Variants in GRID1 observed in about 807,000 individuals in gnomAD.
GRID1 encodes glutamate receptor ionotropic, delta-1.
A neutral mutation model predicts 98.0 loss-of-function variants in GRID1; 28 were observed. The ratio of observed to expected loss-of-function variants is 0.29; its 90% CI spans 0.21 to 0.39. The LOEUF (loss-of-function observed/expected upper bound fraction) is 0.39, where lower values mean the gene tolerates loss of function less well. Ranked by LOEUF, GRID1 falls within the 10% of genes least tolerant of loss-of-function variation. The probability of loss-of-function intolerance (pLI) is 1.00; values close to 1 mark genes in which losing one functional copy is unlikely to be tolerated. For synonymous variants in GRID1, 553 were observed against 538.5 expected, an observed-to-expected ratio of 1.03 and a Z score of -0.37; for missense variants, 1,111 against 1,340.5, an observed-to-expected ratio of 0.83 and a Z score of 2.67.
intron 8 of GRID1, among the ~76,000 whole-genome samples, chr10:85,784,849 T>C (rs527913253): frequency 6.6e-6 from 1 of 152,346 alleles, no homozygotes; most frequent in Admixed American, 6.5e-5. Flanking sequence ...TATGGAATAG[T>C]GTTTTCACTG....
At chr10:86,143,805 G>A (rs934309603) in intron 3 of GRID1, among the ~76,000 whole-genome samples, 1 of 152,244 alleles carries the variant, frequency 6.6e-6, no homozygotes. Context: ...GCTCCCTAGA[G>A]AGGAGTCCTG....
At chr10:85,713,650 T>C (rs563913335) in intron 12 of GRID1, among the ~76,000 whole-genome samples, 7 of 138,614 alleles carry the variant, frequency 5.0e-5, no homozygotes, top group Admixed American at 4.9e-4. Context: ...AAAAAACATA[T>C]CCCATGATCA....
chr10:86,056,234 G>A (rs1023159044), intron 4 of GRID1, among the ~76,000 whole-genome samples: 11 of 152,196 alleles, frequency 7.2e-5, no homozygotes, highest in African/African-American at 2.7e-4. Flanking sequence ...AACAGACTTG[G>A]AGGGCATTAA....
intron 2 of GRID1, among the ~76,000 whole-genome samples, chr10:86,226,800 G>A (rs542380199): frequency 8.0e-5 from 12 of 150,780 alleles, no homozygotes; most frequent in African/African-American, 2.2e-4. Flanking sequence ...CCCCTCACCC[G>A]CAGCCCCCTA....
At position 85,916,140 on chromosome 10, in the gene GRID1, A is replaced by G. The variant is rs761303817; in HGVS notation, c.780+46T>C. 2.2e-6 allele frequency: 3 copies of G among 1,377,044 alleles called. No homozygotes were observed. The highest frequency in any genetic ancestry group is 3.1e-6 in the Non-Finnish European group (3 of 964,352). The allele number at this position is 1,377,044 out of a possible 1,614,324, so 85.3% of individuals were successfully genotyped here. A position where few individuals can be genotyped will look rare whatever the true frequency, so the allele number is the denominator to read the frequency against. The stretch of plus-strand genomic sequence containing the variant: ...ATCACACTGAGCTTTACAAGGGGCT[A>G]GGGGCTCAGTCCAGGCCGTGCTCAT... On this transcript the variant is annotated intron_variant, in intron 5 of 15. Transcript: ENST00000327946. This position sits in a 1 kb window ranked among gnomAD's most constrained non-coding sequence, Gnocchi z 4.0.
chr10:86,113,913 C>T (rs1232695369), intron 4 of GRID1, among the ~76,000 whole-genome samples: 1 of 152,252 alleles, frequency 6.6e-6, no homozygotes, highest in Non-Finnish European at 1.5e-5. Flanking sequence ...AATTTTCTCA[C>T]TTCAAGCTAC....
At chr10:85,689,652 G>T (rs1452308866) in intron 12 of GRID1, among the ~76,000 whole-genome samples, 1 of 151,836 alleles carries the variant, frequency 6.6e-6, no homozygotes, top group Non-Finnish European at 1.5e-5. Flanking sequence ...CACATTCCAA[G>T]GAAAACCAAT....
intron 2 of GRID1, among the ~76,000 whole-genome samples, chr10:86,322,272 C>T (rs570951450): frequency 9.2e-5 from 14 of 152,232 alleles, no homozygotes; most frequent in Admixed American, 7.8e-4. Context: ...TAAGCTCCAA[C>T]CACCACCTAA....
intron 2 of GRID1, among the ~76,000 whole-genome samples, chr10:86,285,741 T>G (rs914899214): frequency 1.3e-5 from 2 of 152,170 alleles, no homozygotes; most frequent in African/African-American, 4.8e-5. Flanking sequence ...GGAATAGGAA[T>G]AGGAGTAGAA....
At chr10:85,902,608 G>C (rs1841404005) in intron 5 of GRID1, among the ~76,000 whole-genome samples, 1 of 152,192 alleles carries the variant, frequency 6.6e-6, no homozygotes, top group South Asian at 2.1e-4. Context: ...CCAGTGCTGG[G>C]AGTGAGAGGG....
chr10:85,993,151 G>A (rs1842702055), intron 4 of GRID1, among the ~76,000 whole-genome samples: 1 of 152,184 alleles, frequency 6.6e-6, no homozygotes, highest in African/African-American at 2.4e-5. Flanking sequence ...GTTAAGGTAA[G>A]TAAGGTAAGA....
At chr10:85,634,249 C>CCTCTCTCTCTCTCTCTCTCTCTCTCTCT (rs775506130) in intron 13 of GRID1, among the ~76,000 whole-genome samples, 34 of 92,366 alleles carry the variant, frequency 3.7e-4, no homozygotes, top group Non-Finnish European at 5.6e-4. Context: ...TGATGGGGCA[C>CCTCTCTCTCTCTCTCTCTCTCTCTCTCT]CTCTCTCTCT....
At chr10:86,112,242 C>A (rs530416194) in intron 4 of GRID1, among the ~76,000 whole-genome samples, 3 of 152,176 alleles carry the variant, frequency 2.0e-5, no homozygotes, top group African/African-American at 7.2e-5. Flanking sequence ...AGATTCCTCA[C>A]GCCACATCTG....
chr10:85,957,850 G>A (rs1842215013), intron 4 of GRID1, among the ~76,000 whole-genome samples: 1 of 152,220 alleles, frequency 6.6e-6, no homozygotes, highest in Non-Finnish European at 1.5e-5. Flanking sequence ...TGCCTGGTCT[G>A]GCTCCTCAGG....
chr10:85,741,923 T>A (rs1404720193), intron 8 of GRID1, among the ~76,000 whole-genome samples: 2 of 152,156 alleles, frequency 1.3e-5, no homozygotes, highest in East Asian at 3.9e-4. Flanking sequence ...ATAAATCTTA[T>A]CTCTGACATT....
At chr10:86,178,937 G>C (rs1315108873) in intron 3 of GRID1, among the ~76,000 whole-genome samples, 1 of 152,152 alleles carries the variant, frequency 6.6e-6, no homozygotes, top group Non-Finnish European at 1.5e-5. Flanking sequence ...AGGCTGGAGG[G>C]TCTGGTTTAC....
chr10:86,051,177 C>G (rs1476365133), intron 4 of GRID1, among the ~76,000 whole-genome samples: 1 of 151,072 alleles, frequency 6.6e-6, no homozygotes, highest in Non-Finnish European at 1.5e-5. Flanking sequence ...TCAGAAAGAT[C>G]AATGAAACAG....
intron 8 of GRID1, among the ~76,000 whole-genome samples, chr10:85,849,831 A>C (rs1342252295): frequency 1.3e-5 from 2 of 152,128 alleles, no homozygotes; most frequent in Non-Finnish European, 2.9e-5. Flanking sequence ...TGTTTAATAC[A>C]TTTGGGTCCC....
intron 3 of GRID1, among the ~76,000 whole-genome samples, chr10:86,168,141 A>G (rs925462998): frequency 2.6e-5 from 4 of 152,148 alleles, no homozygotes; most frequent in African/African-American, 4.8e-5. Flanking sequence ...GTGAGCCTGC[A>G]TGAGTGGACC....
Sources: gnomAD v4.1 joint callset for allele counts (sites outside exome capture counted in the v4.1 genomes callset) on GRCh38, gnomAD v4.1.1 for gene constraint, Gnocchi (gnomAD v3.1) non-coding constraint, MANE v1.5 for transcripts, NCBI Gene and HGNC (gene_info 2026-07-23, HGNC 2026-07-21) for gene names.